The following DNAH6 variants were observed in gnomAD, a reference collection of about 807,000 sequenced individuals.
The protein encoded by DNAH6 is axonemal beta dynein heavy chain 6.
A neutral mutation model predicts 491.4 loss-of-function variants in DNAH6; 340 were observed. That is an observed-to-expected ratio of 0.69 (90% CI 0.63 to 0.76). The LOEUF (loss-of-function observed/expected upper bound fraction) is 0.76, where lower values mean the gene tolerates loss of function less well. Among genes scored for constraint, DNAH6 ranks in the 30% least tolerant of loss-of-function variants. The pLI is 0.00. For synonymous variants in DNAH6, 1,603 were observed against 1,686.1 expected (o/e 0.95, Z 1.21); for missense variants, 4,443 against 4,972.2 (o/e 0.89, Z 3.20).
At chr2:84,796,084 G>A (rs1678316702) in intron 68 of DNAH6, among the ~76,000 whole-genome samples, 1 of 152,138 alleles carries the variant, frequency 6.6e-6, no homozygotes, top group Non-Finnish European at 1.5e-5. Context: ...AACTAAAACA[G>A]CAAAATAATG....
At chr2:84,800,549 TAAGA>T (rs1294538183) in intron 70 of DNAH6, among the ~76,000 whole-genome samples, 1 of 152,116 alleles carries the variant, frequency 6.6e-6, no homozygotes, top group Non-Finnish European at 1.5e-5. Context: ...ACAGCTATAT[TAAGA>T]AAGAACCAAA....
chr2:84,750,659 G>A (rs960249480), intron 63 of DNAH6: 2 of 152,116 alleles, frequency 1.3e-5, no homozygotes. Context: ...TTGAAGGTGG[G>A]TGAAGCATCA....
chr2:84,809,694 A>G (rs1679776527), intron 72 of DNAH6, among the ~76,000 whole-genome samples: 1 of 152,096 alleles, frequency 6.6e-6, no homozygotes, highest in Non-Finnish European at 1.5e-5. Context: ...GCAGGTAGTT[A>G]ATTCTGCTTT....
chr2:84,790,196 C>T (rs1677607627), intron 68 of DNAH6, among the ~76,000 whole-genome samples: 1 of 152,142 alleles, frequency 6.6e-6, no homozygotes, highest in South Asian at 2.1e-4. Flanking sequence ...GATGCTGGGA[C>T]AATTGGGTGT....
At position 84,612,203 on chromosome 2, in the gene DNAH6, C is replaced by T. The variant is rs552570781; in HGVS notation, c.3475+349C>T. On this transcript the variant is annotated intron_variant, in intron 22 of 76. Transcript: ENST00000389394. ...TGACAACGAGACAAATATTTGCCTT[C>T]GGTTGATGTATTCAGTTAAAGCTCC... is the stretch of plus-strand genomic sequence containing the variant. Among the ~76,000 whole-genome samples the T allele has an allele frequency of 1.1e-3, 169 of 152,164 alleles. 2 individuals carry two copies. The South Asian group carries it at 0.02, about 18-fold the overall frequency.
At chr2:84,483,092 C>T in the DNAH6 span, among the ~76,000 whole-genome samples, 1 of 151,990 alleles carries the variant, frequency 6.6e-6, no homozygotes, top group African/African-American at 2.4e-5. Flanking sequence ...TCCCAAATAG[C>T]TAGGACTACA....
chr2:84,814,392 C>A (rs1680290739), intron 75 of DNAH6, among the ~76,000 whole-genome samples: 1 of 152,126 alleles, frequency 6.6e-6, no homozygotes, highest in African/African-American at 2.4e-5. Flanking sequence ...CTTACAGAAT[C>A]AATATAGCAA....
chr2:84,616,963 A>G lies in DNAH6; in HGVS notation c.3553A>G (p.Lys1185Glu). The G allele has an allele frequency of 6.7e-7, 1 of 1,494,258 alleles. No homozygotes were observed. Among genetic ancestry groups the G allele is most frequent in the African/African-American group, 1.4e-5 (1 of 69,804 alleles). 92.6% of individuals were successfully genotyped at this position (1,494,258 alleles called of 1,614,324 possible). Residue 1185 changes from lysine to glutamate, a missense_variant, in exon 23 of 77, where the codon AAA becomes GAA. Physicochemically the swap from Lys to Glu is moderately conservative, Grantham distance 56. This residue lies in a region of DNAH6 where 2,977 missense variants were observed against 3,296.6 expected (regional missense o/e 0.90). Coordinates refer to ENST00000389394, the MANE Select transcript of DNAH6 (RefSeq NM_001370.2). ...GTGCCTAGAGGCATACTTAGAATCAAAAAGAGTTATCTTTCCAAGGTAAGT... is the reference window on the plus strand; with the variant it reads ...GTGCCTAGAGGCATACTTAGAATCAGAAAGAGTTATCTTTCCAAGGTAAGT... ...QKCLEAYLES[K>E]RVIFPRFYFL...
chr2:84,679,411 A>G (rs141756801), intron 41 of DNAH6, among the ~76,000 whole-genome samples: 158 of 152,352 alleles, frequency 1.0e-3, no homozygotes, highest in African/African-American at 3.6e-3. Flanking sequence ...ATGTGCCAAA[A>G]TATGCATCAC....
intron 61 of DNAH6, 53 bp downstream of exon 61, chr2:84,727,955 C>A: frequency 8.7e-7 from 1 of 1,145,840 alleles, no homozygotes; most frequent in Non-Finnish European, 1.3e-6. Flanking sequence ...GTGTCCCCAC[C>A]CAAATCTCAT....
chr2:84,544,624 G>A, intron 5 of DNAH6, 124 bp downstream of exon 5: 1 of 623,580 alleles, frequency 1.6e-6, no homozygotes, highest in Non-Finnish European at 2.6e-6. Context: ...AGAATTCCCA[G>A]TTTTCATCCT....
intron 44 of DNAH6, among the ~76,000 whole-genome samples, chr2:84,687,151 T>G (rs1013689526): frequency 6.6e-6 from 1 of 152,176 alleles, no homozygotes; most frequent in Non-Finnish European, 1.5e-5. Flanking sequence ...ATACTCTCTG[T>G]CTAATTTTTA....
chr2:84,681,331 C>A, intron 41 of DNAH6, 26 bp from the exon 42 acceptor site: 1 of 1,472,216 alleles, frequency 6.8e-7, no homozygotes. Flanking sequence ...AAATCTAATC[C>A]TCTCATATTA....
Position 84,669,529 on chromosome 2 carries a change from A to C in DNAH6, c.6306+19A>C, listed in dbSNP as rs894246205. On this transcript the variant is annotated intron_variant, in intron 38 of 76. Transcript: ENST00000389394. ...GGGCAAGGTAGGAAACTTACATCAA[A>C]CAAGAAGTCCTCTCCAAATGTGAGG... is the stretch of plus-strand genomic sequence containing the variant. 1.3e-6 allele frequency: 2 copies of C among 1,541,924 alleles called. No individual in the cohort carries two copies. The highest frequency in any genetic ancestry group is 2.0e-5 in the Admixed American group (1 of 50,968).
chr2:84,620,335 T>A (rs956871518), intron 24 of DNAH6, among the ~76,000 whole-genome samples: 1 of 152,126 alleles, frequency 6.6e-6, no homozygotes, highest in Non-Finnish European at 1.5e-5. Context: ...GTAAATTACT[T>A]AAAGCAGTAC....
At chr2:84,505,858 T>G in the DNAH6 span, among the ~76,000 whole-genome samples, 1 of 152,210 alleles carries the variant, frequency 6.6e-6, no homozygotes, top group Non-Finnish European at 1.5e-5. Context: ...GGTTTCCAGC[T>G]TCATCCATGT....
At chr2:84,633,046 C>T (rs2104458989) in intron 29 of DNAH6, among the ~76,000 whole-genome samples, 1 of 152,228 alleles carries the variant, frequency 6.6e-6, no homozygotes, top group South Asian at 2.1e-4. Flanking sequence ...ACCAAGAGCT[C>T]TGTGGAAGTA....
chr2:84,507,074 T>G, the DNAH6 span, among the ~76,000 whole-genome samples: 2 of 152,194 alleles, frequency 1.3e-5, no homozygotes, highest in Non-Finnish European at 2.9e-5. Context: ...CATATGAACT[T>G]TAAAGTAGTT....
At chr2:84,717,154 T>C (rs1697616324) in intron 58 of DNAH6, among the ~76,000 whole-genome samples, 2 of 152,180 alleles carry the variant, frequency 1.3e-5, no homozygotes, top group African/African-American at 4.8e-5. Context: ...TTCCTTTCTA[T>C]TTCCAGAAAC....
Sources: gnomAD v4.1 joint callset for allele counts (sites outside exome capture counted in the v4.1 genomes callset) on GRCh38, gnomAD v4.1.1 for gene constraint, gnomAD v4.1.1 regional missense constraint, MANE v1.5 for transcripts, NCBI Gene and HGNC (gene_info 2026-07-23, HGNC 2026-07-21) for gene names.